The following SLC9A8 variants were observed in gnomAD, a reference collection of about 807,000 sequenced individuals.
SLC9A8 encodes solute carrier family 9 member A8.
A neutral mutation model predicts 66.6 loss-of-function variants in SLC9A8; 48 were observed. The observed-to-expected ratio is 0.72, with a 90% CI of 0.57 to 0.92. The LOEUF (loss-of-function observed/expected upper bound fraction) is 0.92, where lower values mean the gene tolerates loss of function less well. SLC9A8 is among the 40% of genes least tolerant of loss of function. SLC9A8 has a pLI of 0.00. For synonymous variants in SLC9A8, 274 were observed against 282.6 expected (o/e 0.97, Z 0.31); for missense variants, 599 against 747.3 (o/e 0.80, Z 2.31).
rs2054603938 is a variant in SLC9A8, at chr20:49,892,082, G to A, written c.*4146G>A. The A allele has an allele frequency of 6.6e-6, 1 of 152,250 alleles. No individual in the cohort carries two copies. The highest frequency in any genetic ancestry group is 6.5e-5 in the Admixed American group (1 of 15,278). 9.4% of individuals were successfully genotyped at this position (152,250 alleles called of 1,614,324 possible). ...GCTGCTCTTCTTGGTGGGGCTTTGG[G>A]CTGGGAGGGGAAGGCGGGTCAGAGA... On this transcript the variant is annotated 3_prime_UTR_variant, in exon 16 of 16. Coordinates refer to ENST00000361573, the MANE Select transcript of SLC9A8 (RefSeq NM_015266.3).
At chr20:49,832,499 C>T (rs548545089) in intron 3 of SLC9A8, among the ~76,000 whole-genome samples, 1 of 152,324 alleles carries the variant, frequency 6.6e-6, no homozygotes, top group South Asian at 2.1e-4. Context: ...TATCCCTCTA[C>T]ATGGGTTGGA....
intron 10 of SLC9A8, among the ~76,000 whole-genome samples, chr20:49,865,647 T>G (rs1015273838): frequency 2.0e-5 from 3 of 152,110 alleles, no homozygotes; most frequent in African/African-American, 7.2e-5. Context: ...AGCGTAATGA[T>G]CTTGGAGCCG....
chr20:49,888,601 C>T lies in SLC9A8; in HGVS notation c.*665C>T, dbSNP rs2146800927. ...ATGTTCTGAATGTTTACACTGGTAC[C>T]TTCTGGTATCTTCTTTAGAGCCCCC... is the stretch of plus-strand genomic sequence containing the variant. On this transcript the variant is annotated 3_prime_UTR_variant, in exon 16 of 16. Coordinates refer to ENST00000361573, the MANE Select transcript of SLC9A8 (RefSeq NM_015266.3). 1 of 152,944 alleles carries T rather than the reference C, an allele frequency of 6.5e-6. No individual in the cohort carries two copies. The highest frequency in any genetic ancestry group is 1.9e-4 in the East Asian group (1 of 5,178). The allele number at this position is 152,944 out of a possible 1,614,324, so 9.5% of individuals were successfully genotyped here. A position where few individuals can be genotyped will look rare whatever the true frequency, so the allele number is the denominator to read the frequency against.
intron 8 of SLC9A8, among the ~76,000 whole-genome samples, chr20:49,856,939 A>G (rs1177271747): frequency 6.6e-6 from 1 of 152,222 alleles, no homozygotes; most frequent in African/African-American, 2.4e-5. Flanking sequence ...ACAGAGCAAG[A>G]CCCTGTCTCA....
chr20:49,884,949 C>T (rs927801425), intron 14 of SLC9A8, among the ~76,000 whole-genome samples: 3 of 152,246 alleles, frequency 2.0e-5, no homozygotes. Flanking sequence ...TTCTAGTTCC[C>T]GTATTCTAGG....
At chr20:49,855,746 G>A (rs1243362286) in intron 8 of SLC9A8, among the ~76,000 whole-genome samples, 165 bp downstream of exon 8, 4 of 152,154 alleles carry the variant, frequency 2.6e-5, no homozygotes, top group Non-Finnish European at 4.4e-5. Context: ...AAGCCTTGAT[G>A]TGCTGCAAGA....
chr20:49,847,984 A>T (rs2088080262), intron 5 of SLC9A8, among the ~76,000 whole-genome samples: 1 of 132,698 alleles, frequency 7.5e-6, no homozygotes, highest in South Asian at 2.3e-4. Context: ...AACTCGGCTC[A>T]CTGCGAACTC....
chr20:49,881,908 TGGGAAGGGGGG>T (rs982449728), intron 13 of SLC9A8, among the ~76,000 whole-genome samples: 1 of 152,094 alleles, frequency 6.6e-6, no homozygotes, highest in Non-Finnish European at 1.5e-5. Context: ...GTGGGCTATT[TGGGAAGGGGGG>T]CATGAGGATA....
intron 11 of SLC9A8, 146 bp from the exon 12 acceptor site, chr20:49,877,835 C>T (rs2089480313): frequency 3.7e-6 from 2 of 535,914 alleles, no homozygotes; most frequent in Non-Finnish European, 3.3e-6. Flanking sequence ...ACAAGTTTGA[C>T]CAAGATATTG....
intron 2 of SLC9A8, among the ~76,000 whole-genome samples, chr20:49,818,850 C>T (rs2086643706): frequency 6.6e-6 from 1 of 152,156 alleles, no homozygotes; most frequent in Non-Finnish European, 1.5e-5. Flanking sequence ...CTTGCTAATT[C>T]ATGAATAAAT....
chr20:49,826,817 T>C (rs1314071758), intron 3 of SLC9A8, among the ~76,000 whole-genome samples: 4 of 152,240 alleles, frequency 2.6e-5, no homozygotes, highest in African/African-American at 9.6e-5. Flanking sequence ...ATTTTTATCT[T>C]GTTTCATTCT....
intron 5 of SLC9A8, among the ~76,000 whole-genome samples, chr20:49,845,768 C>T (rs1267203150): frequency 6.6e-6 from 1 of 152,236 alleles, no homozygotes; most frequent in African/African-American, 2.4e-5. Flanking sequence ...GGCCCCTACC[C>T]ACTTCTCTGC....
chr20:49,851,482 C>T (rs1413101565), intron 7 of SLC9A8, among the ~76,000 whole-genome samples: 1 of 152,230 alleles, frequency 6.6e-6, no homozygotes, highest in Non-Finnish European at 1.5e-5. Flanking sequence ...GGGTTCCCCC[C>T]TCTGAGAGCA....
At position 49,835,679 on chromosome 20, in the gene SLC9A8, C is replaced by CTTTTTTTT. The variant is rs34461954; in HGVS notation, c.290-3845_290-3838dup. ...TGTACTTTGTATGCCACACAATTCA[C>CTTTTTTTT]TTTTTTTTTTTTTTTTTTTTTTTTG... On this transcript the variant is annotated intron_variant, in intron 3 of 15. Transcript: ENST00000361573. 4.6e-4 allele frequency among the ~76,000 whole-genome samples: 33 copies of CTTTTTTTT among 71,970 alleles called. 2 individuals are homozygous for CTTTTTTTT. Among genetic ancestry groups the CTTTTTTTT allele is most frequent in the East Asian group, 9.1e-4 (2 of 2,204 alleles). The allele number at this position is 71,970 out of a possible 152,430, so 47.2% of individuals were successfully genotyped here.
intron 8 of SLC9A8, among the ~76,000 whole-genome samples, chr20:49,861,348 A>C (rs1003171603): frequency 9.2e-5 from 14 of 152,192 alleles, no homozygotes. Flanking sequence ...GTTCGAGACC[A>C]GCCTGGGCAA....
At chr20:49,837,085 A>T (rs941777127) in intron 3 of SLC9A8, among the ~76,000 whole-genome samples, 1 of 152,320 alleles carries the variant, frequency 6.6e-6, no homozygotes, top group Non-Finnish European at 1.5e-5. Flanking sequence ...GTTGAGATAA[A>T]TGCATATCTG....
chr20:49,864,267 C>T (rs925864787), intron 9 of SLC9A8, among the ~76,000 whole-genome samples: 8 of 152,136 alleles, frequency 5.3e-5, no homozygotes. Flanking sequence ...CAGCGATTCT[C>T]ACTAGTTGTC....
At position 49,880,958 on chromosome 20, in the gene SLC9A8, T is replaced by A; in HGVS notation, c.1193T>A (p.Phe398Tyr). ...LVLFGRAVNI[F>Y]PLSYLLNFFR... ...CTATTTGGCAGAGCGGTAAACATTTTCCCTCTTTCCTACCTCCTGAATTTC... is the reference window on the plus strand; with the variant it reads ...CTATTTGGCAGAGCGGTAAACATTTACCCTCTTTCCTACCTCCTGAATTTC... The change falls in exon 13 of 16, where the codon TTC becomes TAC. Residue 398 changes from phenylalanine to tyrosine, a missense_variant. Around this residue, in one of 2 missense-constraint regions of SLC9A8, gnomAD observed 467 missense variants for 626.5 expected, o/e 0.75. Coordinates refer to ENST00000361573, the MANE Select transcript of SLC9A8 (RefSeq NM_015266.3). The A allele has an allele frequency of 6.2e-7, 1 of 1,613,886 alleles. No homozygotes were observed.
At chr20:49,869,844 A>G (rs2089144054) in intron 10 of SLC9A8, among the ~76,000 whole-genome samples, 1 of 151,704 alleles carries the variant, frequency 6.6e-6, no homozygotes, top group African/African-American at 2.4e-5. Flanking sequence ...AAAAAAAAAT[A>G]AAATAAAAAT....
Sources: gnomAD v4.1 joint callset for allele counts (sites outside exome capture counted in the v4.1 genomes callset) on GRCh38, gnomAD v4.1.1 for gene constraint, gnomAD v4.1.1 regional missense constraint, MANE v1.5 for transcripts, NCBI Gene and HGNC (gene_info 2026-07-23, HGNC 2026-07-21) for gene names.